VPS13B: variants seen among roughly 807,000 people sequenced by gnomAD.
VPS13B encodes vacuolar protein sorting 13 homolog B, also known as intermembrane lipid transfer protein VPS13B.
VPS13B carries 285 observed loss-of-function variants against 426.4 expected under a neutral mutation model. The observed-to-expected ratio is 0.67, with a 90% confidence interval of 0.61 to 0.74. The LOEUF is 0.74. Ranked by LOEUF, VPS13B falls within the 30% of genes least tolerant of loss-of-function variation. The pLI is 0.00. For missense variants in VPS13B, 4,537 were observed against 4,782.6 expected, an observed-to-expected ratio of 0.95 and a Z score of 1.51; for synonymous variants, 1,676 against 1,676.4, an observed-to-expected ratio of 1.00 and a Z score of 0.01.
intron 19 of VPS13B, among the ~76,000 whole-genome samples, chr8:99,339,511 C>T (rs1032447732): frequency 5.3e-5 from 8 of 152,052 alleles, no homozygotes; most frequent in African/African-American, 1.9e-4. Flanking sequence ...AGAAATCCAT[C>T]CCATGATCCA....
rs560196345 is a variant in VPS13B, at chr8:99,550,634, C to G, written c.4746-5816C>G. ...CCTTCCCTCTTTCTTTTAGTTTATT[C>G]TACTTTTTATGTTCAGCTTATTGAG... is the stretch of plus-strand genomic sequence containing the variant. On this transcript the variant is annotated intron_variant, in intron 30 of 61. Coordinates refer to ENST00000357162, the MANE Select transcript of VPS13B (RefSeq NM_152564.5). 2.5e-4 allele frequency among the ~76,000 whole-genome samples: 37 copies of G among 150,642 alleles called. No homozygotes were observed. In the East Asian group the frequency reaches 6.4e-3, roughly 26 times the overall value.
intron 31 of VPS13B, among the ~76,000 whole-genome samples, chr8:99,561,329 G>A (rs1159488389): frequency 6.6e-6 from 1 of 151,932 alleles, no homozygotes; most frequent in African/African-American, 2.4e-5. Context: ...TTTATATCTG[G>A]CCTCTTTCAC....
rs151095849 is a variant in VPS13B at position 99,019,454 on chromosome 8, C to T, written c.147+5519C>T. On this transcript the variant is annotated intron_variant, in intron 2 of 61. Coordinates refer to ENST00000357162, the MANE Select transcript of VPS13B (RefSeq NM_152564.5). ...AAACTCCTGACCTCACCCACCTTGGCCTCCCAAAGTGCTGGGCTTACAAGC... is the reference window on the plus strand; with the variant it reads ...AAACTCCTGACCTCACCCACCTTGGTCTCCCAAAGTGCTGGGCTTACAAGC... Among the ~76,000 whole-genome samples, 68 of 152,220 alleles carry T rather than the reference C, an allele frequency of 4.5e-4. No individual in the cohort carries two copies. The East Asian group carries it at 0.012, about 26-fold the overall frequency.
intron 17 of VPS13B, among the ~76,000 whole-genome samples, chr8:99,250,652 C>T (rs969246634): frequency 1.5e-5 from 2 of 134,728 alleles, no homozygotes; most frequent in Non-Finnish European, 3.2e-5. Context: ...TCCACTAATC[C>T]GTGTGTTTAT....
At chr8:99,361,912 C>G (rs1354709226) in intron 19 of VPS13B, among the ~76,000 whole-genome samples, 1 of 152,084 alleles carries the variant, frequency 6.6e-6, no homozygotes, top group East Asian at 1.9e-4. Flanking sequence ...AACAACCCTA[C>G]AAGTTACGTG....
At chr8:99,428,246 A>G (rs951358054) in intron 21 of VPS13B, among the ~76,000 whole-genome samples, 1 of 152,232 alleles carries the variant, frequency 6.6e-6, no homozygotes, top group Admixed American at 6.5e-5. Context: ...TTATGTCTAA[A>G]ACACCAAAAG....
intron 25 of VPS13B, among the ~76,000 whole-genome samples, chr8:99,483,469 G>C (rs1263407194): frequency 1.3e-5 from 2 of 152,148 alleles, no homozygotes; most frequent in African/African-American, 4.8e-5. Flanking sequence ...GAATACAGCA[G>C]TTTCCACACT....
At chr8:99,360,242 CCTTCCTTCCT>C (rs1563687419) in intron 19 of VPS13B, among the ~76,000 whole-genome samples, 2,743 of 90,122 alleles carry the variant, frequency 0.03, 188 homozygotes, top group Non-Finnish European at 0.038. Flanking sequence ...TTCTCTCTCT[CCTTCCTTCCT>C]TCCTTCCTTC....
At chr8:99,736,066 T>G (rs1833817733) in intron 39 of VPS13B, among the ~76,000 whole-genome samples, 1 of 152,232 alleles carries the variant, frequency 6.6e-6, no homozygotes, top group African/African-American at 2.4e-5. Flanking sequence ...TTTTTACCAA[T>G]GTTTCCCTGT....
intron 17 of VPS13B, among the ~76,000 whole-genome samples, chr8:99,197,542 G>A (rs1294217694): frequency 7.9e-5 from 12 of 152,050 alleles, no homozygotes; most frequent in Non-Finnish European, 1.8e-4. Context: ...ATGTGTCTGG[G>A]AATTTATTAA....
In VPS13B at chr8:99,875,694, T is replaced by C; in HGVS notation, c.*28T>C. 6.9e-6 allele frequency: 11 copies of C among 1,584,192 alleles called. No homozygotes were observed. The highest frequency in any genetic ancestry group is 9.5e-6 in the Non-Finnish European group (11 of 1,156,468). ...CCCCTCTGAGGTGTTTATTCCTGCTTGTGTGATTTAGTTTTTGGGTTTCTT... is the reference window on the plus strand; with the variant it reads ...CCCCTCTGAGGTGTTTATTCCTGCTCGTGTGATTTAGTTTTTGGGTTTCTT... On this transcript the variant is annotated 3_prime_UTR_variant, in exon 62 of 62. Transcript: ENST00000357162.
At chr8:99,417,403 A>T (rs1341496819) in intron 21 of VPS13B, among the ~76,000 whole-genome samples, 1 of 152,200 alleles carries the variant, frequency 6.6e-6, no homozygotes, top group Non-Finnish European at 1.5e-5. Flanking sequence ...AGTTCTGAGT[A>T]TAAAATATTG....
At chr8:99,382,897 T>C (rs775540106) in intron 19 of VPS13B, among the ~76,000 whole-genome samples, 2 of 152,192 alleles carry the variant, frequency 1.3e-5, no homozygotes, top group Non-Finnish European at 2.9e-5. Flanking sequence ...TGTGCCAGTT[T>C]TCAAGGGGAA....
intron 55 of VPS13B, among the ~76,000 whole-genome samples, chr8:99,851,543 G>A (rs1018943741): frequency 2.0e-5 from 3 of 152,176 alleles, no homozygotes; most frequent in Non-Finnish European, 4.4e-5. Context: ...TAGGTAAGCT[G>A]CACTGAGAAG....
chr8:99,515,936 T>C (rs536546287), intron 29 of VPS13B, among the ~76,000 whole-genome samples: 1 of 152,306 alleles, frequency 6.6e-6, no homozygotes, highest in African/African-American at 2.4e-5. Flanking sequence ...TTAATCCTTC[T>C]GTCTGGCATA....
intron 23 of VPS13B, among the ~76,000 whole-genome samples, chr8:99,466,225 G>A (rs1819105838): frequency 2.0e-5 from 3 of 151,956 alleles, no homozygotes; most frequent in Admixed American, 2.0e-4. Flanking sequence ...TTTATTATTG[G>A]GGGTGGCAAA....
At chr8:99,384,576 T>A (rs1379423648) in intron 20 of VPS13B, among the ~76,000 whole-genome samples, 2 of 152,028 alleles carry the variant, frequency 1.3e-5, no homozygotes, top group African/African-American at 2.4e-5. Flanking sequence ...GAGTCCTATT[T>A]CACCAGTCTT....
At chr8:99,755,910 A>C (rs1341624815) in intron 39 of VPS13B, among the ~76,000 whole-genome samples, 14 of 151,950 alleles carry the variant, frequency 9.2e-5, no homozygotes, top group Admixed American at 9.2e-4. Flanking sequence ...TATATCATTA[A>C]AAATGCCATT....
chr8:99,868,210 A>C, intron 58 of VPS13B, 79 bp from the exon 59 acceptor site: 1 of 1,586,652 alleles, frequency 6.3e-7, no homozygotes, highest in Non-Finnish European at 8.6e-7. Context: ...AATCCAGATA[A>C]AACTGTGTTC....
Sources: allele counts gnomAD v4.1 joint callset (sites outside exome capture counted in the v4.1 genomes callset), GRCh38; gene constraint gnomAD v4.1.1; transcripts MANE v1.5; gene names NCBI Gene and HGNC (gene_info 2026-07-23, HGNC 2026-07-21).